Variants in KCNIP4 observed in about 807,000 individuals in gnomAD.
KCNIP4 encodes Kv channel-interacting protein 4.
Under a neutral mutation model 34.0 loss-of-function variants are expected in KCNIP4, and 12 were observed. That is an observed-to-expected ratio of 0.35 (90% confidence interval 0.23 to 0.57). KCNIP4 has a LOEUF of 0.57. Among genes scored for constraint, KCNIP4 ranks in the 20% least tolerant of loss-of-function variants. The pLI, the probability that KCNIP4 is intolerant of heterozygous loss-of-function variation, is 0.83. For synonymous variants in KCNIP4, 124 were observed against 102.2 expected (o/e 1.21, Z -1.29); for missense variants, 238 against 311.7 (o/e 0.76, Z 1.78).
At chr4:21,770,760 G>A (rs1014857415) in intron 1 of KCNIP4, among the ~76,000 whole-genome samples, 3 of 152,140 alleles carry the variant, frequency 2.0e-5, no homozygotes, top group African/African-American at 7.2e-5. Flanking sequence ...AGAAGTGTCT[G>A]TTCATATCCT....
chr4:20,917,522 T>C (rs1229425591), intron 1 of KCNIP4, among the ~76,000 whole-genome samples: 1 of 152,134 alleles, frequency 6.6e-6, no homozygotes, highest in Non-Finnish European at 1.5e-5. Flanking sequence ...CTAGCAAAAG[T>C]GGGTACCTCA....
At chr4:21,506,321 G>A (rs562019014) in intron 1 of KCNIP4, among the ~76,000 whole-genome samples, 11 of 152,158 alleles carry the variant, frequency 7.2e-5, no homozygotes, top group African/African-American at 2.7e-4. Context: ...ATTGGAGAAG[G>A]CATTCAGTTA....
rs1301689579 is a variant in KCNIP4 at position 20,938,851 on chromosome 4, C to T, written c.62-56142G>A. Reference sequence around the variant, plus strand: ...ACACATGCCTCTGAAGACTCCTGTCCTGAGAGCTATACTTCAACCTCTTTA... The same window carrying T: ...ACACATGCCTCTGAAGACTCCTGTCTTGAGAGCTATACTTCAACCTCTTTA... On this transcript the variant is annotated intron_variant, in intron 1 of 8. Transcript: ENST00000382152. Among the ~76,000 whole-genome samples, 4 of 152,306 alleles carry T rather than the reference C, an allele frequency of 2.6e-5. No individual in the cohort carries two copies. The South Asian group carries it at 8.3e-4, about 32-fold the overall frequency.
intron 1 of KCNIP4, among the ~76,000 whole-genome samples, chr4:21,614,830 A>G (rs1026209851): frequency 2.0e-5 from 3 of 152,120 alleles, no homozygotes; most frequent in Non-Finnish European, 4.4e-5. Flanking sequence ...TATTCTGGGA[A>G]AGGAGTCTTA....
At chr4:21,237,307 G>T (rs983911992) in intron 1 of KCNIP4, among the ~76,000 whole-genome samples, 1 of 152,128 alleles carries the variant, frequency 6.6e-6, no homozygotes, top group East Asian at 1.9e-4. Context: ...CGAGGGAGAT[G>T]AATAATGAAC....
At chr4:21,593,291 G>T (rs1560544094) in intron 1 of KCNIP4, among the ~76,000 whole-genome samples, 1 of 152,070 alleles carries the variant, frequency 6.6e-6, no homozygotes, top group African/African-American at 2.4e-5. Flanking sequence ...AATGCCCATT[G>T]CTGGTTAAAT....
At chr4:21,348,800 T>C (rs1717716708) in intron 1 of KCNIP4, among the ~76,000 whole-genome samples, 1 of 152,146 alleles carries the variant, frequency 6.6e-6, no homozygotes, top group South Asian at 2.1e-4. Context: ...TGGCCTATGC[T>C]AGGAGCCAAA....
chr4:21,776,399 A>G (rs1719184149), intron 1 of KCNIP4, among the ~76,000 whole-genome samples: 1 of 152,108 alleles, frequency 6.6e-6, no homozygotes, highest in African/African-American at 2.4e-5. Flanking sequence ...CCCGCCCCAG[A>G]AGTTTCTTCA....
chr4:21,098,921 C>G (rs1430316595), intron 1 of KCNIP4, among the ~76,000 whole-genome samples: 1 of 152,098 alleles, frequency 6.6e-6, no homozygotes, highest in African/African-American at 2.4e-5. Flanking sequence ...CAATGAGATA[C>G]CATTTAACAT....
At chr4:20,968,440 G>A (rs1261938731) in intron 1 of KCNIP4, among the ~76,000 whole-genome samples, 3 of 152,046 alleles carry the variant, frequency 2.0e-5, no homozygotes, top group Admixed American at 6.6e-5. Context: ...TATACCCAAA[G>A]GATTATAAAT....
rs964178474 is a variant in KCNIP4, at chr4:20,862,853, C to A, written c.164-12186G>T. Among the ~76,000 whole-genome samples the A allele has an allele frequency of 1.1e-4, 16 of 152,208 alleles. No homozygotes were observed. The South Asian group carries it at 3.3e-3, about 32-fold the overall frequency. On this transcript the variant is annotated intron_variant, in intron 2 of 8. Coordinates refer to ENST00000382152, the MANE Select transcript of KCNIP4 (RefSeq NM_025221.6). ...TGGAGCTGGAGGCCATTATCCTTGG[C>A]AAATTAATCCAGGAACAGACAACCA...
intron 1 of KCNIP4, among the ~76,000 whole-genome samples, chr4:20,991,465 G>A (rs917242222): frequency 6.6e-6 from 1 of 152,014 alleles, no homozygotes; most frequent in Non-Finnish European, 1.5e-5. Flanking sequence ...AGAAAGAGAA[G>A]AAACAGGCAA....
intron 3 of KCNIP4, among the ~76,000 whole-genome samples, chr4:20,780,795 C>T (rs1434681354): frequency 6.6e-6 from 1 of 152,176 alleles, no homozygotes; most frequent in African/African-American, 2.4e-5. Context: ...AGCCTTGATC[C>T]AGCCATGCCT....
At chr4:20,843,385 C>G (rs776814641) in intron 3 of KCNIP4, among the ~76,000 whole-genome samples, 1 of 152,204 alleles carries the variant, frequency 6.6e-6, no homozygotes, top group Non-Finnish European at 1.5e-5. Flanking sequence ...ATTTCAATTT[C>G]TAAACCTCTG....
At chr4:20,750,552 T>A (rs1478860483) in intron 4 of KCNIP4, among the ~76,000 whole-genome samples, 1 of 152,138 alleles carries the variant, frequency 6.6e-6, no homozygotes, top group African/African-American at 2.4e-5. Context: ...TTCTATTGGG[T>A]ATTCTTCCCC....
chr4:21,556,930 A>AACAAAAAAAAAAAAAAAAAC (rs1553903109), intron 1 of KCNIP4, among the ~76,000 whole-genome samples: 4 of 108,192 alleles, frequency 3.7e-5, no homozygotes, highest in Non-Finnish European at 6.0e-5. Context: ...CAGAAAAAAA[A>AACAAAAAAAAAAAAAAAAAC]AAAAAAAAAA....
At chr4:21,359,609 T>C (rs1189745701) in intron 1 of KCNIP4, among the ~76,000 whole-genome samples, 1 of 152,098 alleles carries the variant, frequency 6.6e-6, no homozygotes, top group Non-Finnish European at 1.5e-5. Context: ...GGAAAATATA[T>C]AAAATAACAC....
intron 1 of KCNIP4, among the ~76,000 whole-genome samples, chr4:21,031,259 C>A (rs563510120): frequency 6.6e-6 from 1 of 152,334 alleles, no homozygotes; most frequent in Non-Finnish European, 1.5e-5. Flanking sequence ...TAATGAAACA[C>A]TCGTTAATTT....
At chr4:20,932,701 T>A (rs1378742762) in intron 1 of KCNIP4, among the ~76,000 whole-genome samples, 4 of 152,164 alleles carry the variant, frequency 2.6e-5, no homozygotes, top group Non-Finnish European at 5.9e-5. Flanking sequence ...TTTTAAAAAG[T>A]GTACTTGTCA....
Sources: gnomAD v4.1 joint callset for allele counts (sites outside exome capture counted in the v4.1 genomes callset) on GRCh38, gnomAD v4.1.1 for gene constraint, MANE v1.5 for transcripts, NCBI Gene and HGNC (gene_info 2026-07-23, HGNC 2026-07-21) for gene names.